The following SPIN1 variants were observed in gnomAD, a reference collection of about 807,000 sequenced individuals.
SPIN1 encodes the protein spindlin 1, also known as spindlin-1.
Under a neutral mutation model 26.0 loss-of-function variants are expected in SPIN1, and 3 were observed. That is an observed-to-expected ratio of 0.12 (90% CI 0.05 to 0.30). SPIN1 has a LOEUF of 0.30. Among genes scored for constraint, SPIN1 ranks in the 10% least tolerant of loss-of-function variants. The probability of loss-of-function intolerance (pLI) is 1.00; values close to 1 mark genes in which losing one functional copy is unlikely to be tolerated. For missense variants in SPIN1, 126 were observed against 333.4 expected (o/e 0.38, Z 4.84); for synonymous variants, 101 against 116.5 (o/e 0.87, Z 0.86).
intron 2 of SPIN1, among the ~76,000 whole-genome samples, chr9:88,437,673 A>G (rs1239330971): frequency 6.6e-6 from 1 of 152,158 alleles, no homozygotes; most frequent in Non-Finnish European, 1.5e-5. Context: ...TGTCTTCCAA[A>G]GCGGCTCTAC....
intron 1 of SPIN1, among the ~76,000 whole-genome samples, chr9:88,408,120 C>G (rs1412135861): frequency 6.6e-6 from 1 of 151,524 alleles, no homozygotes; most frequent in Non-Finnish European, 1.5e-5. Context: ...CTTTAGTTTT[C>G]AACAGTTTTA....
chr9:88,458,375 TA>T (rs1386952620), intron 3 of SPIN1, among the ~76,000 whole-genome samples: 7 of 152,122 alleles, frequency 4.6e-5, no homozygotes, highest in Admixed American at 2.6e-4. Flanking sequence ...TTCCCAGAAT[TA>T]AAGGACCCCG....
intron 4 of SPIN1, among the ~76,000 whole-genome samples, chr9:88,462,973 C>G (rs1209610643): frequency 1.3e-5 from 2 of 152,028 alleles, no homozygotes; most frequent in African/African-American, 4.8e-5. Flanking sequence ...AGAAGTTTGC[C>G]ACGTAATAAT....
chr9:88,470,466 C>T (rs375743842), intron 5 of SPIN1, among the ~76,000 whole-genome samples: 1 of 152,224 alleles, frequency 6.6e-6, no homozygotes, highest in East Asian at 1.9e-4. Flanking sequence ...TCTCCACATT[C>T]TCACCAACTG....
intron 2 of SPIN1, among the ~76,000 whole-genome samples, chr9:88,433,755 A>G (rs1827934287): frequency 6.6e-6 from 1 of 152,228 alleles, no homozygotes; most frequent in African/African-American, 2.4e-5. Flanking sequence ...CTGAGCTTAT[A>G]AAATCTGCAG....
At chr9:88,418,159 G>A (rs372878275) in intron 1 of SPIN1, among the ~76,000 whole-genome samples, 12 of 152,102 alleles carry the variant, frequency 7.9e-5, no homozygotes, top group Non-Finnish European at 1.8e-4. Flanking sequence ...TCCTCTACCC[G>A]CCTCCCTTCC....
chr9:88,444,236 ATTTTTTTTTTT>A lies in SPIN1; in HGVS notation c.53-4693_53-4683del, dbSNP rs745590731. Among the ~76,000 whole-genome samples the A allele has an allele frequency of 1.9e-4, 19 of 102,430 alleles. No homozygotes were observed. In the East Asian group the frequency reaches 4.8e-3, roughly 26 times the overall value. 67.2% of individuals were successfully genotyped at this position (102,430 alleles called of 152,430 possible). ...TCCCTTTTCATAGCCTCTTGTTCCC[ATTTTTTTTTTT>A]TTTTTTTTTTTGAGACAGAGTCTCG... On this transcript the variant is annotated intron_variant, in intron 2 of 5. Transcript: ENST00000375859.
chr9:88,431,934 A>G (rs1164893016), intron 2 of SPIN1, among the ~76,000 whole-genome samples: 1 of 152,122 alleles, frequency 6.6e-6, no homozygotes, highest in Non-Finnish European at 1.5e-5. Flanking sequence ...TTAGCTACTC[A>G]GGAACCTGAG....
intron 1 of SPIN1, among the ~76,000 whole-genome samples, chr9:88,419,812 T>G (rs1827637757): frequency 6.6e-6 from 1 of 152,212 alleles, no homozygotes; most frequent in South Asian, 2.1e-4. Context: ...TAGACCAGAC[T>G]AAAATCTAAA....
intron 4 of SPIN1, among the ~76,000 whole-genome samples, chr9:88,466,200 C>T (rs1380993393): frequency 1.3e-5 from 2 of 151,924 alleles, no homozygotes; most frequent in African/African-American, 2.4e-5. Flanking sequence ...GCTTTGTCAC[C>T]CAGGCTGGAG....
intron 1 of SPIN1, among the ~76,000 whole-genome samples, chr9:88,401,040 C>G (rs918553700): frequency 3.9e-5 from 6 of 152,044 alleles, no homozygotes; most frequent in African/African-American, 1.2e-4. Flanking sequence ...AAAGGTTCAC[C>G]TAAATGCATA....
intron 2 of SPIN1, among the ~76,000 whole-genome samples, chr9:88,431,615 C>T (rs904697144): frequency 2.0e-5 from 3 of 152,096 alleles, no homozygotes; most frequent in African/African-American, 7.2e-5. Flanking sequence ...ATTTCTCATT[C>T]TTTGTGTGTG....
chr9:88,473,088 A>G (rs1828820572), intron 5 of SPIN1, among the ~76,000 whole-genome samples: 1 of 152,100 alleles, frequency 6.6e-6, no homozygotes, highest in Non-Finnish European at 1.5e-5. Context: ...CTACTTCTTC[A>G]ATACATATTT....
At chr9:88,390,863 T>C (rs1240596425) in intron 1 of SPIN1, among the ~76,000 whole-genome samples, 1 of 152,206 alleles carries the variant, frequency 6.6e-6, no homozygotes, top group African/African-American at 2.4e-5. Flanking sequence ...AGTTTTTTTT[T>C]AAAGCTACTC....
intron 2 of SPIN1, among the ~76,000 whole-genome samples, chr9:88,431,158 T>C (rs572766426): frequency 3.3e-5 from 5 of 151,928 alleles, no homozygotes; most frequent in Non-Finnish European, 7.4e-5. Context: ...GTGCTGGGAT[T>C]ATAGGCGTGA....
chr9:88,461,156 T>A (rs1025458464), intron 3 of SPIN1, among the ~76,000 whole-genome samples: 2 of 152,188 alleles, frequency 1.3e-5, no homozygotes, highest in African/African-American at 2.4e-5. Context: ...CCGCCCTCAT[T>A]TCTGCCTGAA....
In SPIN1 at chr9:88,475,929, CAG is replaced by C. The variant is rs1828882431; in HGVS notation, c.*654_*655del. 1 of 151,654 alleles carries C rather than the reference CAG, an allele frequency of 6.6e-6. No homozygotes were observed. The highest frequency in any genetic ancestry group is 1.5e-5 in the Non-Finnish European group (1 of 67,968). 9.4% of individuals were successfully genotyped at this position (151,654 alleles called of 1,614,324 possible). A position where few individuals can be genotyped will look rare whatever the true frequency, so the allele number is the denominator to read the frequency against. On this transcript the variant is annotated 3_prime_UTR_variant, in exon 6 of 6. Coordinates refer to ENST00000375859, the MANE Select transcript of SPIN1 (RefSeq NM_006717.3). ...TTCAGCTTGTTTAAAAAAAAAAAAT[CAG>C]AAGTTCAGAGCACCTTTTCAATCTG...
Position 88,477,733 on chromosome 9 carries a change from A to T in SPIN1, c.*2456A>T, listed in dbSNP as rs1041267982. 1.3e-5 allele frequency: 2 copies of T among 152,602 alleles called. No homozygotes were observed. The highest frequency in any genetic ancestry group is 4.8e-5 in the African/African-American group (2 of 41,422). 9.5% of individuals were successfully genotyped at this position (152,602 alleles called of 1,614,324 possible). On this transcript the variant is annotated 3_prime_UTR_variant, in exon 6 of 6. Coordinates refer to ENST00000375859, the MANE Select transcript of SPIN1 (RefSeq NM_006717.3). ...GTTGGTTCCTTGTTCCAGGAATTCA[A>T]CATTAATTTCCAAAAGTATCATGGG...
At chr9:88,430,286 C>G (rs368752008) in intron 2 of SPIN1, among the ~76,000 whole-genome samples, 1 of 152,200 alleles carries the variant, frequency 6.6e-6, no homozygotes, top group Non-Finnish European at 1.5e-5. Flanking sequence ...TTTAGCCACC[C>G]GGCCTCCTGG....
Sources: gnomAD v4.1 joint callset for allele counts (sites outside exome capture counted in the v4.1 genomes callset) on GRCh38, gnomAD v4.1.1 for gene constraint, MANE v1.5 for transcripts, NCBI Gene and HGNC (gene_info 2026-07-23, HGNC 2026-07-21) for gene names.